The following ADAM12 variants were observed in gnomAD, a reference collection of about 807,000 sequenced individuals.
ADAM12 encodes ADAM metallopeptidase domain 12.
ADAM12 carries 70 observed loss-of-function variants against 106.4 expected under a neutral mutation model. The observed-to-expected ratio is 0.66, with a 90% CI of 0.54 to 0.80. The LOEUF is 0.80. ADAM12 is among the 30% of genes least tolerant of loss of function. The pLI is 0.00. For missense variants in ADAM12, 1,010 were observed against 1,171.9 expected (o/e 0.86, Z 2.02); for synonymous variants, 420 against 433.5 (o/e 0.97, Z 0.39).
chr10:126,156,099 T>C (rs1956809748), intron 3 of ADAM12, among the ~76,000 whole-genome samples: 1 of 152,176 alleles, frequency 6.6e-6, no homozygotes, highest in Non-Finnish European at 1.5e-5. Flanking sequence ...GTATTTCCTG[T>C]GTAACTACCG....
At chr10:126,020,159 C>T (rs1953737061) in intron 21 of ADAM12, among the ~76,000 whole-genome samples, 1 of 152,092 alleles carries the variant, frequency 6.6e-6, no homozygotes, top group Non-Finnish European at 1.5e-5. Context: ...CTCTGTTCAC[C>T]CTAAAATAAG....
At chr10:126,076,023 ACC>A (rs1351750493) in intron 11 of ADAM12, among the ~76,000 whole-genome samples, 2 of 152,116 alleles carry the variant, frequency 1.3e-5, no homozygotes, top group African/African-American at 4.8e-5. Flanking sequence ...GGGTCCTGTC[ACC>A]CAGGTAGTGA....
chr10:126,152,815 A>G (rs775718967), intron 4 of ADAM12, among the ~76,000 whole-genome samples: 12 of 152,154 alleles, frequency 7.9e-5, no homozygotes, highest in Non-Finnish European at 1.3e-4. Context: ...TACTCTTTAA[A>G]TAGTTATACT....
At chr10:126,131,758 C>A (rs1296047022) in intron 5 of ADAM12, among the ~76,000 whole-genome samples, 1 of 152,176 alleles carries the variant, frequency 6.6e-6, no homozygotes, top group African/African-American at 2.4e-5. Context: ...AAATAAAATT[C>A]TATGGTTTAA....
At chr10:126,234,876 C>G (rs1393536260) in intron 3 of ADAM12, among the ~76,000 whole-genome samples, 1 of 152,192 alleles carries the variant, frequency 6.6e-6, no homozygotes, top group Non-Finnish European at 1.5e-5. Context: ...AGTTCCCCAT[C>G]TCAGGGTCAA....
At chr10:126,305,463 T>TAC (rs1960804229) in intron 2 of ADAM12, among the ~76,000 whole-genome samples, 1 of 152,012 alleles carries the variant, frequency 6.6e-6, no homozygotes, top group Non-Finnish European at 1.5e-5. Flanking sequence ...GAAGCCAGAG[T>TAC]TGATAAGAAA....
chr10:126,263,496 G>A (rs1959040431), intron 3 of ADAM12, among the ~76,000 whole-genome samples: 1 of 151,676 alleles, frequency 6.6e-6, no homozygotes, highest in African/African-American at 2.4e-5. Context: ...TTTAAGTAAA[G>A]CAGTAACAGG....
intron 1 of ADAM12, among the ~76,000 whole-genome samples, chr10:126,379,290 C>A (rs1309248134): frequency 1.3e-5 from 2 of 152,268 alleles, no homozygotes; most frequent in Non-Finnish European, 1.5e-5. Context: ...TGGAACCAAT[C>A]CAAATGTCCA....
chr10:126,388,218 C>G lies in ADAM12; in HGVS notation c.-73G>C. Reference sequence around the variant, plus strand: ...TGCACCATCCCACGCGGGCGCCGAGCCGGGGCCGGGCGTCGCGACCGGAGG... The same window carrying G: ...TGCACCATCCCACGCGGGCGCCGAGGCGGGGCCGGGCGTCGCGACCGGAGG... On this transcript the variant is annotated 5_prime_UTR_variant, in exon 1 of 23. Transcript: ENST00000448723. The surrounding 1 kb of genome is among the most constrained non-coding windows in gnomAD (Gnocchi z 4.4). The G allele has an allele frequency of 8.4e-7, 1 of 1,192,714 alleles. No individual in the cohort carries two copies. Among genetic ancestry groups the G allele is most frequent in the Middle Eastern group, 3.4e-4 (1 of 2,970 alleles). 73.9% of individuals were successfully genotyped at this position (1,192,714 alleles called of 1,614,324 possible).
intron 14 of ADAM12, among the ~76,000 whole-genome samples, chr10:126,058,249 G>A (rs76870811): frequency 7.9e-5 from 12 of 152,212 alleles, no homozygotes; most frequent in South Asian, 2.1e-4. Flanking sequence ...ATGCTGCCTC[G>A]GGCCAGCGCA....
chr10:126,111,590 C>G (rs1026760121), intron 6 of ADAM12, among the ~76,000 whole-genome samples: 2 of 152,302 alleles, frequency 1.3e-5, no homozygotes, highest in East Asian at 3.9e-4. Flanking sequence ...CACTTTTCAG[C>G]CTGCAGAGGG....
intron 11 of ADAM12, among the ~76,000 whole-genome samples, chr10:126,077,953 C>T (rs911629102): frequency 2.0e-5 from 3 of 152,126 alleles, no homozygotes; most frequent in East Asian, 3.9e-4. Context: ...GACTGCCCCC[C>T]AATACAAAAA....
chr10:126,352,052 G>GAC, intron 1 of ADAM12, among the ~76,000 whole-genome samples: 1 of 152,304 alleles, frequency 6.6e-6, no homozygotes, highest in Non-Finnish European at 1.5e-5. Context: ...CAAAGGGCCA[G>GAC]ACACACCCAG....
intron 1 of ADAM12, among the ~76,000 whole-genome samples, chr10:126,369,580 G>A (rs1199925775): frequency 1.3e-5 from 2 of 152,152 alleles, no homozygotes; most frequent in Non-Finnish European, 2.9e-5. Flanking sequence ...AGGCAATGAA[G>A]ACACTGCAGT....
At chr10:126,240,421 A>G (rs1298746116) in intron 3 of ADAM12, among the ~76,000 whole-genome samples, 1 of 152,262 alleles carries the variant, frequency 6.6e-6, no homozygotes, top group East Asian at 1.9e-4. Flanking sequence ...AGTCCCTGTC[A>G]ATGGCATTAA....
chr10:126,240,283 A>G (rs181509552), intron 3 of ADAM12, among the ~76,000 whole-genome samples: 1 of 152,316 alleles, frequency 6.6e-6, no homozygotes, highest in Admixed American at 6.5e-5. Context: ...AGCACTCATT[A>G]AGCTCTGGGC....
chr10:126,190,363 C>T (rs2133801457), intron 3 of ADAM12, among the ~76,000 whole-genome samples: 1 of 152,194 alleles, frequency 6.6e-6, no homozygotes, highest in South Asian at 2.1e-4. Flanking sequence ...TGCACCACCA[C>T]ACCTGGCTAA....
At chr10:126,288,589 G>A (rs1286511828) in intron 2 of ADAM12, among the ~76,000 whole-genome samples, 1 of 152,114 alleles carries the variant, frequency 6.6e-6, no homozygotes, top group African/African-American at 2.4e-5. Context: ...TGGTGATGTG[G>A]TGGCCTCAGG....
chr10:126,290,859 T>C (rs1960118751), intron 2 of ADAM12, among the ~76,000 whole-genome samples: 3 of 152,268 alleles, frequency 2.0e-5, no homozygotes, highest in South Asian at 4.1e-4. Context: ...CGACCAATCA[T>C]AGAAGGGGAT....
Sources: allele counts gnomAD v4.1 joint callset (sites outside exome capture counted in the v4.1 genomes callset), GRCh38; gene constraint gnomAD v4.1.1; non-coding constraint Gnocchi (gnomAD v3.1); transcripts MANE v1.5; gene names NCBI Gene and HGNC (gene_info 2026-07-23, HGNC 2026-07-21).